Variants in CCDC172 observed in about 807,000 individuals in gnomAD.
CCDC172 encodes coiled-coil domain-containing protein 172.
Under a neutral mutation model 38.0 loss-of-function variants are expected in CCDC172, and 30 were observed. The ratio of observed to expected loss-of-function variants is 0.79; its 90% CI spans 0.59 to 1.07. The LOEUF (loss-of-function observed/expected upper bound fraction) is 1.07. Ranked by LOEUF, CCDC172 falls within the 50% of genes least tolerant of loss-of-function variation. CCDC172 has a pLI of 0.00. For missense variants in CCDC172, 297 were observed against 290.1 expected (o/e 1.02, Z -0.17); for synonymous variants, 78 against 88.3 (o/e 0.88, Z 0.66).
At chr10:116,364,928 T>C (rs1255567695) in intron 7 of CCDC172, among the ~76,000 whole-genome samples, 1 of 152,152 alleles carries the variant, frequency 6.6e-6, no homozygotes, top group Non-Finnish European at 1.5e-5. Context: ...TTTGTAATGA[T>C]GCAGGAAATT....
chr10:116,359,088 A>T lies in CCDC172; in HGVS notation c.653+1150A>T, dbSNP rs150236992. Among the ~76,000 whole-genome samples, 14 of 152,348 alleles carry T rather than the reference A, an allele frequency of 9.2e-5. No individual in the cohort carries two copies. In the East Asian group the frequency reaches 2.7e-3, roughly 29 times the overall value. The stretch of plus-strand genomic sequence containing the variant: ...GTTATTAAATTAAATGCCAATATTT[A>T]TCAATTCCTACTTTTTCATTCATTG... On this transcript the variant is annotated intron_variant, in intron 7 of 8. Transcript: ENST00000333254.
In CCDC172 at chr10:116,379,619, T is replaced by C. The variant is rs1845288440; in HGVS notation, c.*261T>C. ...AAAAGGAGAAGAAGTAGATACCGTG[T>C]TCCCAGGCTTCTTATATGCCCCTGA... is the stretch of plus-strand genomic sequence containing the variant. On this transcript the variant is annotated 3_prime_UTR_variant, in exon 9 of 9. Coordinates refer to ENST00000333254, the MANE Select transcript of CCDC172 (RefSeq NM_198515.3). 3.4e-6 allele frequency: 1 copy of C among 293,608 alleles called. No homozygotes were observed. The highest frequency in any genetic ancestry group is 1.1e-4 in the South Asian group (1 of 8,926). The allele number at this position is 293,608 out of a possible 1,614,324, so 18.2% of individuals were successfully genotyped here. A position where few individuals can be genotyped will look rare whatever the true frequency, so the allele number is the denominator to read the frequency against.
At chr10:116,325,707 C>G (rs964467008) in intron 3 of CCDC172, among the ~76,000 whole-genome samples, 2 of 152,148 alleles carry the variant, frequency 1.3e-5, no homozygotes, top group Non-Finnish European at 2.9e-5. Context: ...GTAGTTGGTG[C>G]AGTATATACA....
chr10:116,365,848 G>A (rs574380391), intron 7 of CCDC172, among the ~76,000 whole-genome samples: 1 of 152,146 alleles, frequency 6.6e-6, no homozygotes, highest in Admixed American at 6.5e-5. Flanking sequence ...TTGTGTTTCA[G>A]TTGCCTACAG....
chr10:116,378,622 A>G, intron 8 of CCDC172, 112 bp downstream of exon 8: 1 of 762,998 alleles, frequency 1.3e-6, no homozygotes, highest in Admixed American at 3.2e-5. Context: ...CTCTGCAAAA[A>G]ACAGAAAAGC....
intron 5 of CCDC172, among the ~76,000 whole-genome samples, chr10:116,347,034 T>G (rs1191066092): frequency 6.6e-6 from 1 of 152,174 alleles, no homozygotes; most frequent in Non-Finnish European, 1.5e-5. Flanking sequence ...GTCTGAAGAA[T>G]GATACTGATT....
chr10:116,379,226 C>A, intron 8 of CCDC172, 97 bp from the exon 9 acceptor site: 1 of 582,122 alleles, frequency 1.7e-6, no homozygotes. Flanking sequence ...TAAGAAATGC[C>A]CAGAATTTAT....
intron 7 of CCDC172, among the ~76,000 whole-genome samples, chr10:116,359,264 C>A (rs555731648): frequency 5.9e-5 from 9 of 152,104 alleles, no homozygotes; most frequent in African/African-American, 9.7e-5. Context: ...TGTCAAAAAA[C>A]AATAAGACAT....
intron 3 of CCDC172, among the ~76,000 whole-genome samples, chr10:116,336,388 G>GA (rs56283003): frequency 0.1 from 1,627 of 16,066 alleles, 38 homozygotes; most frequent in African/African-American, 0.25. Context: ...GAGAGGGAGT[G>GA]GGGGTGAAAA....
intron 5 of CCDC172, among the ~76,000 whole-genome samples, chr10:116,356,758 A>G (rs1340719305): frequency 6.6e-6 from 1 of 152,204 alleles, no homozygotes; most frequent in South Asian, 2.1e-4. Context: ...TAGCCATATT[A>G]TGAGTACTAT....
At chr10:116,334,754 C>T (rs1363816188) in intron 3 of CCDC172, among the ~76,000 whole-genome samples, 1 of 151,954 alleles carries the variant, frequency 6.6e-6, no homozygotes, top group Non-Finnish European at 1.5e-5. Context: ...ATTGCTGTGT[C>T]AATGGGTCTG....
At chr10:116,344,863 C>G (rs977929053) in intron 5 of CCDC172, among the ~76,000 whole-genome samples, 2 of 134,882 alleles carry the variant, frequency 1.5e-5, no homozygotes, top group African/African-American at 5.6e-5. Context: ...TTACTTGAAA[C>G]TAAAAAAAAA....
intron 5 of CCDC172, among the ~76,000 whole-genome samples, chr10:116,343,515 GT>G (rs61102916): frequency 0.79 from 105,253 of 132,888 alleles, 42,005 homozygotes; most frequent in Non-Finnish European, 0.9. Flanking sequence ...CTGATCATTC[GT>G]TTTTTTTTTT....
At chr10:116,376,875 A>G (rs1462209618) in intron 7 of CCDC172, among the ~76,000 whole-genome samples, 1 of 152,168 alleles carries the variant, frequency 6.6e-6, no homozygotes, top group African/African-American at 2.4e-5. Flanking sequence ...AGGTACTGTT[A>G]TCATTGAAGA....
chr10:116,377,839 T>C (rs1364416903), intron 7 of CCDC172, among the ~76,000 whole-genome samples: 1 of 152,164 alleles, frequency 6.6e-6, no homozygotes, highest in Non-Finnish European at 1.5e-5. Flanking sequence ...CATAGTACTA[T>C]ATATTTTTTA....
At chr10:116,331,612 T>A (rs1844664304) in intron 3 of CCDC172, among the ~76,000 whole-genome samples, 1 of 152,146 alleles carries the variant, frequency 6.6e-6, no homozygotes, top group Non-Finnish European at 1.5e-5. Context: ...AATCCTGTTT[T>A]CTATTTTCCT....
intron 3 of CCDC172, among the ~76,000 whole-genome samples, chr10:116,326,812 T>C (rs1264909091): frequency 1.3e-5 from 2 of 152,186 alleles, no homozygotes; most frequent in Non-Finnish European, 2.9e-5. Flanking sequence ...TACTAATAGT[T>C]TGATAGATAA....
rs112951022 is a variant in CCDC172, at chr10:116,325,184, G to A, written c.79+94G>A. The A allele has an allele frequency of 1.0e-3, 1,540 of 1,492,054 alleles. 16 individuals carry two copies. The African/African-American group carries it at 0.018, about 18-fold the overall frequency. The allele number at this position is 1,492,054 out of a possible 1,614,324, so 92.4% of individuals were successfully genotyped here. ...AATCCCGAAGGCAGTGGTCAGAGCC[G>A]TTAGGGGAGCTTGCATGCCATGCTG... On this transcript the variant is annotated intron_variant, in intron 2 of 8. Coordinates refer to ENST00000333254, the MANE Select transcript of CCDC172 (RefSeq NM_198515.3).
chr10:116,379,557 A>T lies in CCDC172; in HGVS notation c.*199A>T, dbSNP rs1318422033. The T allele has an allele frequency of 2.5e-6, 1 of 407,166 alleles. No homozygotes were observed. Among genetic ancestry groups the T allele is most frequent in the Non-Finnish European group, 4.4e-6 (1 of 225,976 alleles). The allele number at this position is 407,166 out of a possible 1,614,324, so 25.2% of individuals were successfully genotyped here. A position where few individuals can be genotyped will look rare whatever the true frequency, so the allele number is the denominator to read the frequency against. On this transcript the variant is annotated 3_prime_UTR_variant, in exon 9 of 9. Transcript: ENST00000333254. ...TTTGTCTTGTTACTCAAACTTTAAG[A>T]GTTCTTCTGTGGTTTGATTTTGTTT... is the stretch of plus-strand genomic sequence containing the variant.
Sources: allele counts gnomAD v4.1 joint callset (sites outside exome capture counted in the v4.1 genomes callset), GRCh38; gene constraint gnomAD v4.1.1; transcripts MANE v1.5; gene names NCBI Gene and HGNC (gene_info 2026-07-23, HGNC 2026-07-21).